Variants in AAK1 observed in about 807,000 individuals in gnomAD.
The protein encoded by AAK1 is AP2 associated kinase 1.
AAK1 carries 37 observed loss-of-function variants against 116.0 expected under a neutral mutation model. The ratio of observed to expected loss-of-function variants is 0.32; its 90% CI spans 0.25 to 0.42. The LOEUF (loss-of-function observed/expected upper bound fraction) is 0.42, where lower values mean the gene tolerates loss of function less well. Among genes scored for constraint, AAK1 ranks in the 10% least tolerant of loss-of-function variants. The pLI is 1.00. For missense variants in AAK1, 919 were observed against 1,170.6 expected (o/e 0.79, Z 3.14); for synonymous variants, 458 against 439.9 (o/e 1.04, Z -0.51).
At chr2:69,509,146 C>G (rs1676297239) in intron 14 of AAK1, 85 bp downstream of exon 14, 1 of 1,135,890 alleles carries the variant, frequency 8.8e-7, no homozygotes, top group South Asian at 1.3e-5. Flanking sequence ...CACATCTACA[C>G]ACTTATGCAA....
chr2:69,612,783 GA>G (rs1674146355), intron 2 of AAK1, among the ~76,000 whole-genome samples: 1 of 152,176 alleles, frequency 6.6e-6, no homozygotes, highest in Admixed American at 6.5e-5. Context: ...CCAGTTTACA[GA>G]AAGCAAGTCA....
At chr2:69,546,075 T>C (rs1670912489) in intron 3 of AAK1, among the ~76,000 whole-genome samples, 1 of 151,026 alleles carries the variant, frequency 6.6e-6, no homozygotes, top group African/African-American at 2.4e-5. Flanking sequence ...AGAGTACTGT[T>C]CAAGGGACTG....
intron 2 of AAK1, among the ~76,000 whole-genome samples, chr2:69,572,617 CT>C (rs1194552342): frequency 9.2e-5 from 8 of 86,590 alleles, no homozygotes; most frequent in Admixed American, 3.1e-4. Flanking sequence ...GAAACTCTGT[CT>C]TTAAAAAAAA....
intron 10 of AAK1, 58 bp from the exon 11 acceptor site, chr2:69,521,046 G>T: frequency 8.9e-6 from 14 of 1,579,052 alleles, no homozygotes; most frequent in African/African-American, 6.7e-5. Flanking sequence ...GAAGGGAGTG[G>T]GCAGAGGACA....
chr2:69,509,567 C>G (rs1676313395), intron 13 of AAK1, 107 bp from the exon 14 acceptor site: 1 of 934,444 alleles, frequency 1.1e-6, no homozygotes, highest in African/African-American at 1.7e-5. Flanking sequence ...CACATAAGCA[C>G]TAACATGAAA....
At position 69,563,348 on chromosome 2, in the gene AAK1, A is replaced by G. The variant is rs74610990; in HGVS notation, c.164-6370T>C. On this transcript the variant is annotated intron_variant, in intron 2 of 21. Transcript: ENST00000409085. ...AAGTGATTATCTGAGAAGTGATGGGAAACAGCTGGGCAAATAATGAGAATG... is the reference window on the plus strand; with the variant it reads ...AAGTGATTATCTGAGAAGTGATGGGGAACAGCTGGGCAAATAATGAGAATG... Among the ~76,000 whole-genome samples, 1,191 of 152,264 alleles carry G rather than the reference A, an allele frequency of 7.8e-3. 5 individuals are homozygous for G. The highest frequency in any genetic ancestry group is 0.013 in the Non-Finnish European group (891 of 68,020).
At chr2:69,522,803 CAAA>C (rs11465056) in intron 10 of AAK1, among the ~76,000 whole-genome samples, 1 of 125,738 alleles carries the variant, frequency 8.0e-6, no homozygotes, top group Non-Finnish European at 1.7e-5. Context: ...GACTCCATCT[CAAA>C]AAAAAAAAAA....
intron 5 of AAK1, among the ~76,000 whole-genome samples, chr2:69,536,659 C>T (rs991572231): frequency 2.6e-5 from 4 of 152,188 alleles, no homozygotes; most frequent in African/African-American, 9.7e-5. Context: ...ATTTCCTAGC[C>T]TCTCAGCTTA....
Position 69,473,903 on chromosome 2 carries a change from T to G in AAK1, c.*1966A>C. Reference sequence around the variant, plus strand: ...GGGGTAAACCAAGTCCTATTTTCACTGCTATCCAACCACAGAGAGCCCTTC... The same window carrying G: ...GGGGTAAACCAAGTCCTATTTTCACGGCTATCCAACCACAGAGAGCCCTTC... On this transcript the variant is annotated 3_prime_UTR_variant, in exon 22 of 22. Transcript: ENST00000409085. The G allele has an allele frequency of 1.0e-6, 1 of 985,892 alleles. No individual in the cohort carries two copies. The highest frequency in any genetic ancestry group is 1.1e-4 in the East Asian group (1 of 8,814). 61.1% of individuals were successfully genotyped at this position (985,892 alleles called of 1,614,324 possible). A position where few individuals can be genotyped will look rare whatever the true frequency, so the allele number is the denominator to read the frequency against.
At chr2:69,602,202 T>C (rs1183756254) in intron 2 of AAK1, among the ~76,000 whole-genome samples, 2 of 152,214 alleles carry the variant, frequency 1.3e-5, no homozygotes, top group Non-Finnish European at 2.9e-5. Context: ...ACATGACAAC[T>C]AAACACAATG....
intron 18 of AAK1, chr2:69,481,550 AC>A (rs1675087507): frequency 6.6e-6 from 1 of 152,398 alleles, no homozygotes; most frequent in Non-Finnish European, 1.5e-5. Flanking sequence ...CTGCAGGCCT[AC>A]CCCTATGCAA....
chr2:69,482,642 G>A, intron 18 of AAK1, 69 bp downstream of exon 18: 2 of 1,295,562 alleles, frequency 1.5e-6, no homozygotes, highest in Non-Finnish European at 2.2e-6. Context: ...TGGTTAACTA[G>A]GTACTTGTCA....
chr2:69,476,925 C>T lies in AAK1; in HGVS notation c.2746G>A (p.Asp916Asn). The change falls in exon 21 of 22, where the codon GAT becomes AAT. Residue 916 changes from aspartate (D) to asparagine (N), a missense_variant. Asp to Asn is a conservative substitution (Grantham distance 23). Transcript: ENST00000409085. Reference sequence around the variant, plus strand: ...AATACAGGAATAGGGTCAAACTCATCTTCAGCCACCTTGTCCGAGCCCTCA... The same window carrying T: ...AATACAGGAATAGGGTCAAACTCATTTTCAGCCACCTTGTCCGAGCCCTCA... The part of the protein sequence containing the change: ...VPEGSDKVAE[D>N]EFDPIPVLIT... 1 of 1,613,726 alleles carries T rather than the reference C, an allele frequency of 6.2e-7. No individual in the cohort carries two copies. Among genetic ancestry groups the T allele is most frequent in the Non-Finnish European group, 8.5e-7 (1 of 1,179,806 alleles).
chr2:69,482,751 A>G lies in AAK1; in HGVS notation c.2427T>C (p.Pro809=). The G allele has an allele frequency of 6.2e-7, 1 of 1,613,786 alleles. No homozygotes were observed. Among genetic ancestry groups the G allele is most frequent in the Non-Finnish European group, 8.5e-7 (1 of 1,179,652 alleles). ...DTSLLLPDLL[P]MTDPFGSTSD... ...AAGTGCTACCAAAAGGATCTGTCAT[A>G]GGCAAGAGGTCAGGGAGCAGAAGAG... The change falls in exon 18 of 22, where the codon CCT becomes CCC. Residue 809 remains proline (P), a synonymous_variant. Coordinates refer to ENST00000409085, the MANE Select transcript of AAK1 (RefSeq NM_014911.5).
At chr2:69,560,152 GC>G (rs1305431873) in intron 2 of AAK1, among the ~76,000 whole-genome samples, 1 of 152,160 alleles carries the variant, frequency 6.6e-6, no homozygotes, top group Admixed American at 6.5e-5. Context: ...CAAAATCCAC[GC>G]CTAACAGGAC....
chr2:69,480,449 A>C (rs1675042802), intron 19 of AAK1, among the ~76,000 whole-genome samples: 3 of 152,132 alleles, frequency 2.0e-5, no homozygotes, highest in Admixed American at 1.3e-4. Context: ...CGGAACATCA[A>C]TATATAGAAG....
chr2:69,638,517 T>C (rs1309688788), intron 2 of AAK1, among the ~76,000 whole-genome samples: 3 of 152,182 alleles, frequency 2.0e-5, no homozygotes, highest in African/African-American at 7.2e-5. Context: ...CTGAAGAAAG[T>C]GAGTAGCAAG....
chr2:69,643,345 G>C (rs1480967241), intron 1 of AAK1, 71 bp from the exon 2 acceptor site: 45 of 1,237,914 alleles, frequency 3.6e-5, no homozygotes, highest in Non-Finnish European at 4.3e-5. Context: ...TGAGTCCTAG[G>C]GGGAGCAAAA....
In AAK1 at chr2:69,542,649, G is replaced by A. The variant is rs201525334; in HGVS notation, c.408C>T (p.Asn136=). 4.5e-5 allele frequency: 73 copies of A among 1,613,814 alleles called. No individual in the cohort carries two copies. In the African/African-American group the frequency reaches 9.1e-4, roughly 20 times the overall value. Reference sequence around the variant, plus strand: ...CTGTTTGCAGGCGCTGGTTCATCAGGTTTACCACCTGGCCACCTGAGGGGG... The same window carrying A: ...CTGTTTGCAGGCGCTGGTTCATCAGATTTACCACCTGGCCACCTGAGGGGG... ...MDFCRGGQVV[N]LMNQRLQTGF... The change falls in exon 5 of 22, where the codon AAC becomes AAT. Residue 136 remains asparagine (N), a synonymous_variant. Coordinates refer to ENST00000409085, the MANE Select transcript of AAK1 (RefSeq NM_014911.5).
Sources: allele counts gnomAD v4.1 joint callset (sites outside exome capture counted in the v4.1 genomes callset), GRCh38; gene constraint gnomAD v4.1.1; transcripts MANE v1.5; gene names NCBI Gene and HGNC (gene_info 2026-07-23, HGNC 2026-07-21).